The following ADGRB3 variants were observed in gnomAD, a reference collection of about 807,000 sequenced individuals.
The protein encoded by ADGRB3 is brain-specific angiogenesis inhibitor 3.
A neutral mutation model predicts 193.4 loss-of-function variants in ADGRB3; 37 were observed. The observed-to-expected ratio is 0.19, with a 90% CI of 0.15 to 0.25. The LOEUF (loss-of-function observed/expected upper bound fraction) is 0.25. Among genes scored for constraint, ADGRB3 ranks in the 10% least tolerant of loss-of-function variants. The pLI is 1.00. For missense variants in ADGRB3, 1,637 were observed against 1,852.9 expected, an observed-to-expected ratio of 0.88 and a Z score of 2.14; for synonymous variants, 690 against 644.2, an observed-to-expected ratio of 1.07 and a Z score of -1.08.
At chr6:68,810,139 C>A (rs1180344010) in intron 3 of ADGRB3, among the ~76,000 whole-genome samples, 1 of 152,114 alleles carries the variant, frequency 6.6e-6, no homozygotes, top group Non-Finnish European at 1.5e-5. Flanking sequence ...TATATATGAA[C>A]ATAAATGGGA....
At chr6:68,771,411 CAT>C (rs1223852343) in intron 3 of ADGRB3, among the ~76,000 whole-genome samples, 125 of 130,900 alleles carry the variant, frequency 9.5e-4, no homozygotes, top group African/African-American at 2.9e-3. Context: ...CACACACACA[CAT>C]ATATGTATAC....
At chr6:68,810,769 G>T (rs1767495204) in intron 3 of ADGRB3, among the ~76,000 whole-genome samples, 1 of 151,916 alleles carries the variant, frequency 6.6e-6, no homozygotes, top group South Asian at 2.1e-4. Flanking sequence ...GAAATATGAA[G>T]CATGTTTGGG....
intron 11 of ADGRB3, among the ~76,000 whole-genome samples, chr6:68,994,863 ATTTGTTTTGTTTTGTTTTGT>A (rs3839460): frequency 2.2e-4 from 34 of 151,712 alleles, no homozygotes; most frequent in Middle Eastern, 3.4e-3. Context: ...AAAATACAGG[ATTTGTTTTGTTTTGTTTTGT>A]TTTGTTTTGT....
In ADGRB3 at chr6:68,897,907, CATTATT is replaced by C. The variant is rs1034844662; in HGVS notation, c.758-32647_758-32642del. On this transcript the variant is annotated intron_variant, in intron 3 of 31. Transcript: ENST00000370598. Reference sequence around the variant, plus strand: ...AAGAAAAAAGAAAAGCAGGAAAACACATTATTATTAGGATTCTCCAGAGAAACAGAA... The same window carrying C: ...AAGAAAAAAGAAAAGCAGGAAAACACATTAGGATTCTCCAGAGAAACAGAA... Among the ~76,000 whole-genome samples, 77 of 147,682 alleles carry C rather than the reference CATTATT, an allele frequency of 5.2e-4. 1 individual carries two copies. The East Asian group carries it at 0.014, about 26-fold the overall frequency.
intron 20 of ADGRB3, among the ~76,000 whole-genome samples, chr6:69,250,701 A>G (rs1209864456): frequency 2.6e-5 from 4 of 152,186 alleles, no homozygotes; most frequent in African/African-American, 4.8e-5. Context: ...TTCCAGGTGT[A>G]ATGGAAGCTT....
chr6:68,811,433 T>G (rs1767510782), intron 3 of ADGRB3, among the ~76,000 whole-genome samples: 1 of 152,172 alleles, frequency 6.6e-6, no homozygotes, highest in South Asian at 2.1e-4. Flanking sequence ...CACTATTCTG[T>G]CAGGCCAAAT....
intron 24 of ADGRB3, 86 bp downstream of exon 24, chr6:69,333,094 C>T: frequency 7.1e-7 from 1 of 1,413,910 alleles, no homozygotes; most frequent in Non-Finnish European, 9.7e-7. Flanking sequence ...GCGTTTGACT[C>T]TGCCTTGAAT....
chr6:69,324,845 A>G, intron 20 of ADGRB3, 27 bp from the exon 21 acceptor site: 1 of 1,611,896 alleles, frequency 6.2e-7, no homozygotes, highest in Non-Finnish European at 8.5e-7. Flanking sequence ...GTTCAGTGTG[A>G]GTCTTTTTGT....
Position 69,196,726 on chromosome 6 carries a change from G to A in ADGRB3, c.2481-36564G>A, listed in dbSNP as rs371203625. Among the ~76,000 whole-genome samples the A allele has an allele frequency of 6.6e-5, 10 of 152,188 alleles. No individual in the cohort carries two copies. The East Asian group carries it at 1.5e-3, about 24-fold the overall frequency. ...TTGGGACTTCAATGTATGAATTTTA[G>A]GAGAGCATGATTCAGTCTGTAACAC... On this transcript the variant is annotated intron_variant, in intron 17 of 31. Coordinates refer to ENST00000370598, the MANE Select transcript of ADGRB3 (RefSeq NM_001704.3).
At chr6:69,143,796 A>G (rs956654670) in intron 17 of ADGRB3, among the ~76,000 whole-genome samples, 1 of 152,094 alleles carries the variant, frequency 6.6e-6, no homozygotes, top group Non-Finnish European at 1.5e-5. Context: ...TCCGTAGTAT[A>G]ATTTGAAGTC....
chr6:68,955,307 CCATGTAATTGATTTATCTAG>C (rs1179478700), intron 6 of ADGRB3, among the ~76,000 whole-genome samples: 1 of 152,184 alleles, frequency 6.6e-6, no homozygotes, highest in Non-Finnish European at 1.5e-5. Context: ...TGCAACACTG[CCATGTAATTGATTTATCTAG>C]CATGTAATTC....
At chr6:68,715,281 G>A (rs112687598) in intron 3 of ADGRB3, among the ~76,000 whole-genome samples, 14 of 151,296 alleles carry the variant, frequency 9.3e-5, no homozygotes, top group Admixed American at 6.6e-4. Context: ...ATTGTGTAAC[G>A]CACGTCTGCA....
chr6:69,098,812 AATG>A (rs1772956159), intron 17 of ADGRB3, among the ~76,000 whole-genome samples: 1 of 152,202 alleles, frequency 6.6e-6, no homozygotes, highest in South Asian at 2.1e-4. Context: ...TTTCATATGA[AATG>A]ATAACCTTTT....
chr6:68,769,360 T>TA (rs1489299092), intron 3 of ADGRB3, among the ~76,000 whole-genome samples: 1 of 152,116 alleles, frequency 6.6e-6, no homozygotes, highest in African/African-American at 2.4e-5. Flanking sequence ...TATGCAGCCA[T>TA]AAAAAAGATG....
chr6:68,912,770 C>T lies in ADGRB3; in HGVS notation c.758-17789C>T, dbSNP rs531999106. ...CATTTGCTTAATCCAGTGCCTCACT[C>T]GGGAAACACAAGGGGTCAGGGAGTT... On this transcript the variant is annotated intron_variant, in intron 3 of 31. Coordinates refer to ENST00000370598, the MANE Select transcript of ADGRB3 (RefSeq NM_001704.3). Among the ~76,000 whole-genome samples the T allele has an allele frequency of 5.9e-5, 9 of 152,186 alleles. No individual in the cohort carries two copies. The East Asian group carries it at 9.7e-4, about 16-fold the overall frequency.
chr6:68,920,512 C>CAAAAAAAAAAAAA (rs5877180), intron 3 of ADGRB3, among the ~76,000 whole-genome samples: 1 of 68,916 alleles, frequency 1.5e-5, no homozygotes, highest in Non-Finnish European at 2.6e-5. Context: ...GACTCTGTAT[C>CAAAAAAAAAAAAA]AAAAAAAAAA....
At chr6:68,848,732 C>A (rs530828403) in intron 3 of ADGRB3, among the ~76,000 whole-genome samples, 2 of 151,878 alleles carry the variant, frequency 1.3e-5, no homozygotes, top group African/African-American at 2.4e-5. Context: ...GAACAAGTAA[C>A]GTAAGCATTG....
rs567034327 is a variant in ADGRB3 at position 69,044,819 on chromosome 6, T to A, written c.2108-3366T>A. 3.3e-5 allele frequency among the ~76,000 whole-genome samples: 5 copies of A among 152,354 alleles called. No individual in the cohort carries two copies. In the South Asian group the frequency reaches 1.0e-3, roughly 32 times the overall value. ...GTAGCACTCAAGATGTGCGTATTTG[T>A]TCAGGGACACTGAGTCCTTTGAGAT... On this transcript the variant is annotated intron_variant, in intron 13 of 31. Coordinates refer to ENST00000370598, the MANE Select transcript of ADGRB3 (RefSeq NM_001704.3).
At chr6:69,099,436 T>C (rs1045358927) in intron 17 of ADGRB3, among the ~76,000 whole-genome samples, 2 of 152,218 alleles carry the variant, frequency 1.3e-5, no homozygotes, top group African/African-American at 4.8e-5. Context: ...ATGACAATTA[T>C]GTGTTTCAGA....
Sources: allele counts gnomAD v4.1 joint callset (sites outside exome capture counted in the v4.1 genomes callset), GRCh38; gene constraint gnomAD v4.1.1; transcripts MANE v1.5; gene names NCBI Gene and HGNC (gene_info 2026-07-23, HGNC 2026-07-21).